Variants in GSTCD observed in about 807,000 individuals in gnomAD.
GSTCD encodes the protein glutathione S-transferase C-terminal domain-containing protein.
GSTCD carries 44 observed loss-of-function variants against 68.3 expected under a neutral mutation model. The observed-to-expected ratio is 0.64, with a 90% CI of 0.51 to 0.83. The LOEUF (loss-of-function observed/expected upper bound fraction) is 0.83. Among genes scored for constraint, GSTCD ranks in the 40% least tolerant of loss-of-function variants. The pLI is 0.00. For synonymous variants in GSTCD, 273 were observed against 255.2 expected (o/e 1.07, Z -0.67); for missense variants, 739 against 735.9 (o/e 1.00, Z -0.05).
At chr4:105,838,859 G>A (rs930053335) in intron 10 of GSTCD, among the ~76,000 whole-genome samples, 1 of 152,144 alleles carries the variant, frequency 6.6e-6, no homozygotes, top group Non-Finnish European at 1.5e-5. Context: ...CTTAGTTAAT[G>A]CCACTTTTTG....
At chr4:105,743,728 G>A (rs1733713270) in intron 5 of GSTCD, among the ~76,000 whole-genome samples, 1 of 139,682 alleles carries the variant, frequency 7.2e-6, no homozygotes, top group Non-Finnish European at 1.5e-5. Flanking sequence ...GCACGATCTT[G>A]GCTTACTGCA....
intron 9 of GSTCD, among the ~76,000 whole-genome samples, chr4:105,835,106 A>G (rs995484807): frequency 6.6e-6 from 1 of 152,244 alleles, no homozygotes; most frequent in Non-Finnish European, 1.5e-5. Context: ...TAAAGCCTTT[A>G]GAAGTGGCAA....
rs147116860 is a variant in GSTCD, at chr4:105,787,509, C to T, written c.1241-35445C>T. The stretch of plus-strand genomic sequence containing the variant: ...GTGACCACAGGTGATTCTGACTCAG[C>T]GGGCCTAAGGATCATCACTTTTTGA... On this transcript the variant is annotated intron_variant, in intron 5 of 11. Transcript: ENST00000515279. 1.4e-3 allele frequency among the ~76,000 whole-genome samples: 219 copies of T among 152,124 alleles called. 2 individuals carry two copies. Among genetic ancestry groups the T allele is most frequent in the African/African-American group, 5.0e-3 (209 of 41,402 alleles).
chr4:105,745,969 G>A (rs1345002154), intron 5 of GSTCD, among the ~76,000 whole-genome samples: 1 of 152,030 alleles, frequency 6.6e-6, no homozygotes, highest in Non-Finnish European at 1.5e-5. Flanking sequence ...AGTGATATGG[G>A]GAGAGTGCAT....
At chr4:105,771,876 C>A (rs1265140801) in intron 5 of GSTCD, among the ~76,000 whole-genome samples, 2 of 151,992 alleles carry the variant, frequency 1.3e-5, no homozygotes, top group Non-Finnish European at 2.9e-5. Context: ...TCCATATGAA[C>A]TTTAAAGTAG....
intron 5 of GSTCD, among the ~76,000 whole-genome samples, chr4:105,737,501 G>A (rs72671869): frequency 0.054 from 8,202 of 152,128 alleles, 252 homozygotes; most frequent in Middle Eastern, 0.14. Context: ...CTATTTGTCT[G>A]TTTTTGCTTT....
chr4:105,808,667 C>T (rs1012953166), intron 5 of GSTCD, among the ~76,000 whole-genome samples: 3 of 152,120 alleles, frequency 2.0e-5, no homozygotes, highest in African/African-American at 7.2e-5. Flanking sequence ...GCAGTCCTCC[C>T]TTATTTGCAG....
intron 5 of GSTCD, among the ~76,000 whole-genome samples, chr4:105,801,461 A>G (rs1410722840): frequency 3.3e-5 from 5 of 152,166 alleles, no homozygotes; most frequent in Non-Finnish European, 5.9e-5. Context: ...GAATTTTATT[A>G]GGGTGATAGT....
At position 105,717,882 on chromosome 4, in the gene GSTCD, T is replaced by G. The variant is rs1055999004; in HGVS notation, c.269T>G (p.Leu90Trp). The G allele has an allele frequency of 4.3e-6, 7 of 1,614,006 alleles. No individual in the cohort carries two copies. Among genetic ancestry groups the G allele is most frequent in the Middle Eastern group, 1.6e-4 (1 of 6,084 alleles). The change falls in exon 2 of 12, where the codon TTG (leucine) becomes TGG (tryptophan). Residue 90 changes from leucine to tryptophan, a missense_variant. Leu to Trp is a moderately conservative substitution (Grantham distance 61). Transcript: ENST00000515279. ...CCACCAATAGTCCAAAATTGCTGTT[T>G]GCCTGCAGTAGTAGAACGATCAGAC... ...ELPPIVQNCC[L>W]PAVVERSDNF...
chr4:105,795,606 G>A (rs923156783), intron 5 of GSTCD, among the ~76,000 whole-genome samples: 2 of 152,034 alleles, frequency 1.3e-5, no homozygotes, highest in Non-Finnish European at 2.9e-5. Flanking sequence ...TTCTGCTGAA[G>A]CATCTAAAAT....
At chr4:105,740,114 T>G (rs1455369312) in intron 5 of GSTCD, among the ~76,000 whole-genome samples, 1 of 151,952 alleles carries the variant, frequency 6.6e-6, no homozygotes, top group Non-Finnish European at 1.5e-5. Flanking sequence ...ACTCCAACAT[T>G]AGTTCCAGTT....
At chr4:105,718,136 T>C in intron 2 of GSTCD, 97 bp downstream of exon 2, 1 of 981,864 alleles carries the variant, frequency 1.0e-6, no homozygotes, top group South Asian at 1.8e-5. Flanking sequence ...GGAATAAAAG[T>C]TTATTTATTT....
At chr4:105,713,769 AAAAAC>A (rs1732606476) in intron 1 of GSTCD, among the ~76,000 whole-genome samples, 1 of 151,906 alleles carries the variant, frequency 6.6e-6, no homozygotes, top group African/African-American at 2.4e-5. Flanking sequence ...TGAAAAAACA[AAAAAC>A]AAAACACAGG....
Position 105,845,481 on chromosome 4 carries a change from A to G in GSTCD, c.1806A>G (p.Arg602=). The change falls in exon 12 of 12, where the codon AGA becomes AGG. Residue 602 remains arginine (R), a synonymous_variant. Transcript: ENST00000515279. ...GCTTGGTGGATCTGGATCGAGCAAGAGCTGCAGAAGAATGTGGATACTCCG... is the reference window on the plus strand; with the variant it reads ...GCTTGGTGGATCTGGATCGAGCAAGGGCTGCAGAAGAATGTGGATACTCCG... ...CMCLVDLDRA[R]AAEECGYSVQ... 6.2e-7 allele frequency: 1 copy of G among 1,614,182 alleles called. No homozygotes were observed. Among genetic ancestry groups the G allele is most frequent in the Non-Finnish European group, 8.5e-7 (1 of 1,180,010 alleles).
chr4:105,758,613 A>G (rs1475022463), intron 5 of GSTCD, among the ~76,000 whole-genome samples: 1 of 152,208 alleles, frequency 6.6e-6, no homozygotes, highest in African/African-American at 2.4e-5. Context: ...CTGCAAGCCA[A>G]TTAAATCTCT....
chr4:105,792,387 G>A (rs528831653), intron 5 of GSTCD, among the ~76,000 whole-genome samples: 24 of 151,986 alleles, frequency 1.6e-4, no homozygotes, highest in Middle Eastern at 3.4e-3. Context: ...GAATGTTCAG[G>A]GAAGAGGCTC....
intron 5 of GSTCD, among the ~76,000 whole-genome samples, chr4:105,795,057 G>A (rs1735830026): frequency 6.6e-6 from 1 of 151,862 alleles, no homozygotes; most frequent in Non-Finnish European, 1.5e-5. Flanking sequence ...TGTATTTTTG[G>A]TAGAGTCAGG....
intron 1 of GSTCD, among the ~76,000 whole-genome samples, chr4:105,714,866 T>C (rs1238713808): frequency 6.6e-6 from 1 of 152,266 alleles, no homozygotes; most frequent in East Asian, 1.9e-4. Flanking sequence ...ATAGAATATG[T>C]CTAAAATCCT....
intron 5 of GSTCD, among the ~76,000 whole-genome samples, chr4:105,782,215 C>T (rs112130779): frequency 0.014 from 2,080 of 152,128 alleles, 58 homozygotes; most frequent in African/African-American, 0.047. Flanking sequence ...AGGAGAAAGA[C>T]GGCCAGGTGT....
Sources: gnomAD v4.1 joint callset for allele counts (sites outside exome capture counted in the v4.1 genomes callset) on GRCh38, gnomAD v4.1.1 for gene constraint, MANE v1.5 for transcripts, NCBI Gene and HGNC (gene_info 2026-07-23, HGNC 2026-07-21) for gene names.